The following TMPRSS15 variants were observed in gnomAD, a reference collection of about 807,000 sequenced individuals.
TMPRSS15 encodes transmembrane serine protease 15, also known as enteropeptidase.
A neutral mutation model predicts 125.3 loss-of-function variants in TMPRSS15; 128 were observed. The ratio of observed to expected loss-of-function variants is 1.02; its 90% CI spans 0.89 to 1.18. The LOEUF (loss-of-function observed/expected upper bound fraction) is 1.18, where lower values mean the gene tolerates loss of function less well. Among genes scored for constraint, TMPRSS15 ranks in the 50% most tolerant of loss-of-function variants. The pLI, the probability that TMPRSS15 is intolerant of heterozygous loss-of-function variation, is 0.00. For missense variants in TMPRSS15, 1,283 were observed against 1,212.7 expected, an observed-to-expected ratio of 1.06 and a Z score of -0.86; for synonymous variants, 446 against 423.2, an observed-to-expected ratio of 1.05 and a Z score of -0.66.
chr21:18,272,294 A>C (rs1342003590), intron 24 of TMPRSS15, among the ~76,000 whole-genome samples: 1 of 151,470 alleles, frequency 6.6e-6, no homozygotes, highest in East Asian at 1.9e-4. Context: ...TGTGGTTTTG[A>C]TTTGCATTTC....
At chr21:18,340,443 G>A (rs893433991) in intron 13 of TMPRSS15, among the ~76,000 whole-genome samples, 1 of 152,070 alleles carries the variant, frequency 6.6e-6, no homozygotes, top group East Asian at 1.9e-4. Flanking sequence ...TTGGGGACTT[G>A]GACTGGCTTT....
chr21:18,327,589 T>A (rs1446378109), intron 15 of TMPRSS15, among the ~76,000 whole-genome samples: 2 of 152,184 alleles, frequency 1.3e-5, no homozygotes, highest in Non-Finnish European at 2.9e-5. Flanking sequence ...TGTCCCTTGA[T>A]GTGCTCTAGA....
intron 1 of TMPRSS15, among the ~76,000 whole-genome samples, chr21:18,401,897 T>G (rs1049918351): frequency 6.6e-6 from 1 of 152,236 alleles, no homozygotes; most frequent in African/African-American, 2.4e-5. Context: ...AACCTTTGTA[T>G]GTTTATTGAA....
At chr21:18,395,143 A>C (rs549726441) in intron 3 of TMPRSS15, among the ~76,000 whole-genome samples, 11 of 152,318 alleles carry the variant, frequency 7.2e-5, no homozygotes, top group African/African-American at 2.4e-4. Context: ...GTCTATGGCC[A>C]TTTAGCAAAT....
At chr21:18,380,227 A>C (rs1436898441) in intron 4 of TMPRSS15, among the ~76,000 whole-genome samples, 4 of 150,664 alleles carry the variant, frequency 2.7e-5, no homozygotes, top group Admixed American at 2.0e-4. Context: ...CTCATATGTA[A>C]CACACACACT....
chr21:18,283,810 CAAATTCTTCTTTGTAA>C (rs1005179693), intron 21 of TMPRSS15, among the ~76,000 whole-genome samples: 1 of 151,996 alleles, frequency 6.6e-6, no homozygotes, highest in African/African-American at 2.4e-5. Context: ...TCTAAACTCC[CAAATTCTTCTTTGTAA>C]ATACTATACT....
chr21:18,335,673 C>G (rs2824748), intron 13 of TMPRSS15, among the ~76,000 whole-genome samples: 81,973 of 152,056 alleles, frequency 0.54, 22,205 homozygotes, highest in South Asian at 0.65. Flanking sequence ...TAAAATAGAT[C>G]AGTTACTCTC....
chr21:18,412,567 A>G (rs2123172536), intron 1 of TMPRSS15, among the ~76,000 whole-genome samples: 1 of 152,314 alleles, frequency 6.6e-6, no homozygotes, highest in South Asian at 2.1e-4. Context: ...TCATTGGGTA[A>G]TATTTCGTAC....
At chr21:18,331,996 A>C in intron 14 of TMPRSS15, 88 bp downstream of exon 14, 1 of 1,213,600 alleles carries the variant, frequency 8.2e-7, no homozygotes, top group Non-Finnish European at 1.2e-6. Context: ...ATGTTTGACA[A>C]ATTTATAATC....
intron 21 of TMPRSS15, among the ~76,000 whole-genome samples, chr21:18,283,538 GTGTA>G (rs1475532549): frequency 6.6e-6 from 1 of 151,384 alleles, no homozygotes; most frequent in South Asian, 2.1e-4. Flanking sequence ...ATAATTTATA[GTGTA>G]TGTATATAAA....
intron 10 of TMPRSS15, 101 bp downstream of exon 10, chr21:18,352,802 C>T: frequency 8.1e-7 from 1 of 1,227,756 alleles, no homozygotes; most frequent in Non-Finnish European, 1.2e-6. Flanking sequence ...AAGACTTTTG[C>T]ATTTAATACT....
intron 24 of TMPRSS15, among the ~76,000 whole-genome samples, chr21:18,271,939 T>G (rs779486559): frequency 3.9e-5 from 6 of 152,110 alleles, no homozygotes; most frequent in Non-Finnish European, 8.8e-5. Context: ...TAGTATCCCA[T>G]GGTGTATATG....
At chr21:18,440,441 T>C (rs1316829628) in intron 1 of TMPRSS15, among the ~76,000 whole-genome samples, 6 of 150,786 alleles carry the variant, frequency 4.0e-5, no homozygotes, top group Non-Finnish European at 7.4e-5. Context: ...AGAGTCTATG[T>C]AACAAGAAAT....
chr21:18,400,585 A>G (rs2076086075), intron 1 of TMPRSS15, among the ~76,000 whole-genome samples: 1 of 152,220 alleles, frequency 6.6e-6, no homozygotes, highest in African/African-American at 2.4e-5. Context: ...TTAACGCAAG[A>G]TAAATTAAAG....
At chr21:18,280,355 T>C (rs575179403) in intron 22 of TMPRSS15, among the ~76,000 whole-genome samples, 4 of 151,964 alleles carry the variant, frequency 2.6e-5, no homozygotes, top group South Asian at 4.2e-4. Context: ...GGTGGGTGGA[T>C]CACAAGGTCA....
At chr21:18,323,894 A>G (rs2075264802) in intron 16 of TMPRSS15, among the ~76,000 whole-genome samples, 1 of 152,108 alleles carries the variant, frequency 6.6e-6, no homozygotes, top group Non-Finnish European at 1.5e-5. Context: ...TAGTTGTGGG[A>G]TTTTCTCCTT....
chr21:18,343,399 CTTGA>C (rs1194095121), intron 12 of TMPRSS15, 103 bp downstream of exon 12: 11 of 1,083,930 alleles, frequency 1.0e-5, no homozygotes, highest in African/African-American at 8.0e-5. Flanking sequence ...GAGAAAGTGA[CTTGA>C]TTATCTTCAG....
At chr21:18,402,301 G>A (rs147713859) in intron 1 of TMPRSS15, among the ~76,000 whole-genome samples, 155 of 152,196 alleles carry the variant, frequency 1.0e-3, no homozygotes, top group African/African-American at 3.6e-3. Flanking sequence ...GGAGGCCGAG[G>A]TGGGCAGATA....
chr21:18,442,496 A>G (rs2076244554), intron 1 of TMPRSS15, among the ~76,000 whole-genome samples: 1 of 152,222 alleles, frequency 6.6e-6, no homozygotes, highest in South Asian at 2.1e-4. Flanking sequence ...ATATTTTTAA[A>G]TAAATTATTC....
Sources: allele counts gnomAD v4.1 joint callset (sites outside exome capture counted in the v4.1 genomes callset), GRCh38; gene constraint gnomAD v4.1.1; transcripts MANE v1.5; gene names NCBI Gene and HGNC (gene_info 2026-07-23, HGNC 2026-07-21).